DNM3: variants seen among roughly 807,000 people sequenced by gnomAD.
DNM3 encodes the protein dynamin-3.
A neutral mutation model predicts 101.6 loss-of-function variants in DNM3; 47 were observed. The ratio of observed to expected loss-of-function variants is 0.46; its 90% CI spans 0.37 to 0.59. The LOEUF (loss-of-function observed/expected upper bound fraction) is 0.59. Ranked by LOEUF, DNM3 falls within the 20% of genes least tolerant of loss-of-function variation. The probability of loss-of-function intolerance (pLI) is 0.00; values close to 1 mark genes in which losing one functional copy is unlikely to be tolerated. For synonymous variants in DNM3, 385 were observed against 387.9 expected, an observed-to-expected ratio of 0.99 and a Z score of 0.09; for missense variants, 849 against 1,085.7, an observed-to-expected ratio of 0.78 and a Z score of 3.06.
At chr1:172,321,336 C>T (rs73046822) in intron 16 of DNM3, among the ~76,000 whole-genome samples, 5,776 of 152,126 alleles carry the variant, frequency 0.038, 344 homozygotes, top group African/African-American at 0.12. Flanking sequence ...GGTACTTAGC[C>T]CCCAACACAT....
chr1:172,170,112 G>A (rs1051272216), intron 14 of DNM3, among the ~76,000 whole-genome samples: 1 of 151,926 alleles, frequency 6.6e-6, no homozygotes, highest in African/African-American at 2.4e-5. Flanking sequence ...GGATTAGGCA[G>A]TAGAAGAATA....
chr1:171,901,976 A>G (rs1319441642), intron 1 of DNM3, among the ~76,000 whole-genome samples: 2 of 152,232 alleles, frequency 1.3e-5, no homozygotes. Context: ...GATGAAAAGA[A>G]TGCCCAGGAA....
chr1:172,227,746 G>A (rs553309827), intron 14 of DNM3, among the ~76,000 whole-genome samples: 2 of 152,164 alleles, frequency 1.3e-5, no homozygotes, highest in South Asian at 4.2e-4. Context: ...AATGAAGATA[G>A]ATATATTTTG....
In DNM3 at chr1:172,056,902, C is replaced by T. The variant is rs565996525; in HGVS notation, c.1335+8152C>T. Among the ~76,000 whole-genome samples, 806 of 151,866 alleles carry T rather than the reference C, an allele frequency of 5.3e-3. 7 individuals carry two copies. Among genetic ancestry groups the T allele is most frequent in the Non-Finnish European group, 8.2e-3 (560 of 67,902 alleles). On this transcript the variant is annotated intron_variant, in intron 10 of 20. Transcript: ENST00000627582. ...CAGATGATCAAATTACTCTGAGCTA[C>T]GGGAGGACATTCAAACCAAAGGCAA...
At chr1:172,397,825 T>G (rs1003332439) in intron 20 of DNM3, among the ~76,000 whole-genome samples, 2 of 152,174 alleles carry the variant, frequency 1.3e-5, no homozygotes, top group African/African-American at 4.8e-5. Context: ...ATGTATATTG[T>G]TCAGTCACGA....
intron 1 of DNM3, among the ~76,000 whole-genome samples, chr1:171,851,975 A>G (rs2033032701): frequency 6.6e-6 from 1 of 152,228 alleles, no homozygotes; most frequent in Non-Finnish European, 1.5e-5. Flanking sequence ...ACTTCTAGTC[A>G]TTTATTTGGT....
intron 14 of DNM3, among the ~76,000 whole-genome samples, chr1:172,188,587 A>C (rs1286612121): frequency 2.0e-5 from 3 of 152,130 alleles, no homozygotes; most frequent in African/African-American, 7.2e-5. Flanking sequence ...ATAGAGGGAC[A>C]TCTTGGCTGT....
rs1294262546 is a variant in DNM3 at position 172,038,302 on chromosome 1, CATTTT to C, written c.850-16_850-12del. ...GATTCAATCTTCAATCTGTGTGTAT[CATTTT>C]GTTTTGTTTAGCAACTTACCAACCA... On this transcript the variant is annotated splice_polypyrimidine_tract_variant and intron_variant, in intron 6 of 20. Transcript: ENST00000627582. 6.2e-7 allele frequency: 1 copy of C among 1,612,820 alleles called. No individual in the cohort carries two copies. The highest frequency in any genetic ancestry group is 8.5e-7 in the Non-Finnish European group (1 of 1,179,244).
intron 2 of DNM3, among the ~76,000 whole-genome samples, chr1:171,969,572 CG>C (rs990059060): frequency 6.6e-6 from 1 of 152,046 alleles, no homozygotes; most frequent in Non-Finnish European, 1.5e-5. Flanking sequence ...TTCCTAGAAA[CG>C]GGGGGTCTTA....
In DNM3 at chr1:172,056,170, C is replaced by T. The variant is rs545073317; in HGVS notation, c.1335+7420C>T. On this transcript the variant is annotated intron_variant, in intron 10 of 20. Transcript: ENST00000627582. ...AAGGGCACACCACGAGATTATATCC[C>T]GCACCTGGCTCAGAGGGTCCTACGC... Among the ~76,000 whole-genome samples the T allele has an allele frequency of 5.9e-5, 9 of 152,312 alleles. No homozygotes were observed. In the East Asian group the frequency reaches 1.4e-3, roughly 23 times the overall value.
At chr1:172,225,434 C>A (rs1258443141) in intron 14 of DNM3, among the ~76,000 whole-genome samples, 2 of 151,972 alleles carry the variant, frequency 1.3e-5, no homozygotes, top group Non-Finnish European at 2.9e-5. Flanking sequence ...CGTACCCGAC[C>A]GTCCCTCCTT....
intron 14 of DNM3, among the ~76,000 whole-genome samples, chr1:172,207,042 T>C (rs1283471902): frequency 6.6e-6 from 1 of 152,030 alleles, no homozygotes; most frequent in Non-Finnish European, 1.5e-5. Context: ...CAGGATTTCT[T>C]AAGGAGCAGA....
intron 13 of DNM3, chr1:172,093,823 A>T (rs1392682075): frequency 1.6e-6 from 2 of 1,236,536 alleles, no homozygotes; most frequent in Non-Finnish European, 1.1e-6. Context: ...AGCGCTTGCT[A>T]CTAATTTTTT....
intron 16 of DNM3, among the ~76,000 whole-genome samples, chr1:172,317,675 C>G (rs1482484723): frequency 1.3e-5 from 2 of 152,132 alleles, no homozygotes; most frequent in African/African-American, 2.4e-5. Flanking sequence ...TACACTCTCC[C>G]AAGACTAAAC....
In DNM3 at chr1:172,334,794, G is replaced by A. The variant is rs563149494; in HGVS notation, c.1893+11454G>A. Among the ~76,000 whole-genome samples the A allele has an allele frequency of 5.8e-4, 89 of 152,230 alleles. 1 individual carries two copies. The highest frequency in any genetic ancestry group is 1.1e-3 in the Non-Finnish European group (77 of 67,988). On this transcript the variant is annotated intron_variant, in intron 17 of 20. Coordinates refer to ENST00000627582, the MANE Select transcript of DNM3 (RefSeq NM_015569.5). ...TACTTGGGCTTGCCTACTTGGTCAAGGACTGTGCATGTTACAAAGAATTGC... is the reference window on the plus strand; with the variant it reads ...TACTTGGGCTTGCCTACTTGGTCAAAGACTGTGCATGTTACAAAGAATTGC...
At chr1:172,223,029 C>A (rs572318917) in intron 14 of DNM3, among the ~76,000 whole-genome samples, 1 of 152,074 alleles carries the variant, frequency 6.6e-6, no homozygotes, top group African/African-American at 2.4e-5. Flanking sequence ...ATGTTCAAAT[C>A]GGGGTAATTA....
At chr1:172,070,020 G>A (rs1427353221) in intron 11 of DNM3, among the ~76,000 whole-genome samples, 1 of 152,152 alleles carries the variant, frequency 6.6e-6, no homozygotes, top group Admixed American at 6.5e-5. Flanking sequence ...CAGAGGGATG[G>A]AGACCCAGCA....
At chr1:172,163,537 C>T (rs1162434837) in intron 14 of DNM3, among the ~76,000 whole-genome samples, 1 of 151,936 alleles carries the variant, frequency 6.6e-6, no homozygotes, top group Non-Finnish European at 1.5e-5. Context: ...TGTGCCTGGC[C>T]AATATTCTTA....
chr1:172,156,705 A>G (rs12569096), intron 14 of DNM3, among the ~76,000 whole-genome samples: 7,724 of 152,140 alleles, frequency 0.051, 439 homozygotes, highest in East Asian at 0.17. Flanking sequence ...ATTGTATACT[A>G]TAAATAAACT....
Sources: allele counts gnomAD v4.1 joint callset (sites outside exome capture counted in the v4.1 genomes callset), GRCh38; gene constraint gnomAD v4.1.1; transcripts MANE v1.5; gene names NCBI Gene and HGNC (gene_info 2026-07-23, HGNC 2026-07-21).